The following DHRSX variants were observed in gnomAD, a reference collection of about 807,000 sequenced individuals.
DHRSX encodes the protein dehydrogenase/reductase X-linked.
Under a neutral mutation model 34.0 loss-of-function variants are expected in DHRSX, and 31 were observed. The ratio of observed to expected loss-of-function variants is 0.91; its 90% confidence interval spans 0.69 to 1.23. The LOEUF (loss-of-function observed/expected upper bound fraction) is 1.23. DHRSX is among the 50% of genes most tolerant of loss of function. DHRSX has a pLI of 0.00. For synonymous variants in DHRSX, 201 were observed against 183.8 expected (o/e 1.09, Z -0.76); for missense variants, 414 against 428.1 (o/e 0.97, Z 0.29).
intron 5 of DHRSX, among the ~76,000 whole-genome samples, chrX:2,258,669 G>A (rs2041313408): frequency 6.6e-6 from 1 of 152,128 alleles, no homozygotes; most frequent in South Asian, 2.1e-4. Context: ...TAGGTCCGTG[G>A]TATTTTATTA....
At chrX:2,497,505 T>TA (rs997566346) in intron 1 of DHRSX, among the ~76,000 whole-genome samples, 12 of 150,340 alleles carry the variant, frequency 8.0e-5, no homozygotes, top group African/African-American at 1.5e-4. Flanking sequence ...CTTTACAGGT[T>TA]AAAAAAAAAA....
chrX:2,444,977 A>T (rs1185691867), intron 1 of DHRSX, among the ~76,000 whole-genome samples: 7 of 152,148 alleles, frequency 4.6e-5, no homozygotes, highest in African/African-American at 1.7e-4. Context: ...GCCAACATGG[A>T]GAAACCCCGT....
intron 3 of DHRSX, among the ~76,000 whole-genome samples, chrX:2,358,268 T>G (rs184397769): frequency 1.3e-5 from 2 of 152,258 alleles, no homozygotes; most frequent in African/African-American, 4.8e-5. Context: ...GATAAAGGTT[T>G]AATATCCAGA....
At chrX:2,436,494 T>TTATTATTAG (rs2043993575) in intron 1 of DHRSX, among the ~76,000 whole-genome samples, 1 of 134,516 alleles carries the variant, frequency 7.4e-6, no homozygotes, top group South Asian at 2.5e-4. Flanking sequence ...ATTATTATTA[T>TTATTATTAG]TATTACTACT....
chrX:2,489,979 G>C (rs1398622597), intron 1 of DHRSX: 2 of 1,613,912 alleles, frequency 1.2e-6, no homozygotes, highest in East Asian at 4.5e-5. Context: ...GCACTCGCGT[G>C]ATGGTCTCCG....
intron 1 of DHRSX, among the ~76,000 whole-genome samples, chrX:2,499,733 C>G (rs2045367913): frequency 6.6e-6 from 1 of 152,034 alleles, no homozygotes; most frequent in South Asian, 2.1e-4. Context: ...GTAGCAAGAC[C>G]CTATTGCTAC....
chrX:2,467,084 G>A (rs986429667), intron 1 of DHRSX, among the ~76,000 whole-genome samples: 22 of 146,034 alleles, frequency 1.5e-4, no homozygotes, highest in Non-Finnish European at 1.1e-4. Context: ...AAAAAAAAAC[G>A]CTACATGACT....
chrX:2,380,221 G>T (rs1266143591), intron 3 of DHRSX, among the ~76,000 whole-genome samples: 2 of 145,654 alleles, frequency 1.4e-5, no homozygotes, highest in African/African-American at 2.5e-5. Context: ...CTTGAACCGG[G>T]ACCCAGGAGG....
intron 5 of DHRSX, among the ~76,000 whole-genome samples, chrX:2,257,248 C>G (rs2041292268): frequency 6.6e-6 from 1 of 152,234 alleles, no homozygotes; most frequent in African/African-American, 2.4e-5. Context: ...GCCACCATGC[C>G]CGGCCCACTC....
chrX:2,465,152 G>A (rs376099001), intron 1 of DHRSX, among the ~76,000 whole-genome samples: 5 of 152,122 alleles, frequency 3.3e-5, no homozygotes, highest in African/African-American at 9.7e-5. Context: ...CAAAGCATGT[G>A]GCCAAGGGAA....
In DHRSX at chrX:2,244,302, C is replaced by CCTCTCTCTCTCTCT. The variant is rs780533250; in HGVS notation, c.597-1086_597-1073dup. ...TAACCGCGGTAAAGTGAGTAACGTG[C>CCTCTCTCTCTCTCT]CTCTCTCTCTCTCTCTGGTAACCTC... On this transcript the variant is annotated intron_variant, in intron 5 of 6. Coordinates refer to ENST00000334651, the MANE Select transcript of DHRSX (RefSeq NM_145177.3). 4.8e-4 allele frequency among the ~76,000 whole-genome samples: 73 copies of CCTCTCTCTCTCTCT among 150,636 alleles called. 1 individual carries two copies. Among genetic ancestry groups the CCTCTCTCTCTCTCT allele is most frequent in the African/African-American group, 1.6e-3 (67 of 41,164 alleles).
chrX:2,459,204 T>C (rs1200939156), intron 1 of DHRSX, among the ~76,000 whole-genome samples: 4 of 152,046 alleles, frequency 2.6e-5, no homozygotes, highest in African/African-American at 4.8e-5. Flanking sequence ...CAAAGTTCTA[T>C]CATACCACAC....
In DHRSX at chrX:2,376,461, A is replaced by T. The variant is rs1301490784; in HGVS notation, c.286+32284T>A. Among the ~76,000 whole-genome samples the T allele has an allele frequency of 2.2e-5, 3 of 137,320 alleles. 1 individual carries two copies. Among genetic ancestry groups the T allele is most frequent in the Non-Finnish European group, 5.2e-5 (3 of 58,128 alleles). 90.1% of individuals were successfully genotyped at this position (137,320 alleles called of 152,430 possible). A position where few individuals can be genotyped will look rare whatever the true frequency, so the allele number is the denominator to read the frequency against. ...ACACTCCCAGAACAAGAGCCTGGAGATCTAACATCCACTCTGATTCTGCCC... is the reference window on the plus strand; with the variant it reads ...ACACTCCCAGAACAAGAGCCTGGAGTTCTAACATCCACTCTGATTCTGCCC... On this transcript the variant is annotated intron_variant, in intron 3 of 6. Transcript: ENST00000334651.
chrX:2,251,754 T>C (rs1055068399), intron 5 of DHRSX, among the ~76,000 whole-genome samples: 8 of 152,168 alleles, frequency 5.3e-5, no homozygotes, highest in African/African-American at 1.9e-4. Flanking sequence ...ACCTGAGGTT[T>C]ACCCGATTTC....
chrX:2,296,885 T>A (rs1202009134), intron 3 of DHRSX, among the ~76,000 whole-genome samples: 1 of 31,640 alleles, frequency 3.2e-5, no homozygotes, highest in East Asian at 6.9e-4. Context: ...CCCAGGCAGA[T>A]AGGAATAGGA....
At chrX:2,338,490 G>A (rs1456420748) in intron 3 of DHRSX, among the ~76,000 whole-genome samples, 2 of 151,904 alleles carry the variant, frequency 1.3e-5, no homozygotes, top group Admixed American at 1.3e-4. Flanking sequence ...CTGGATGGGA[G>A]GTCGAATGGG....
At chrX:2,413,749 C>T (rs981785809) in intron 2 of DHRSX, among the ~76,000 whole-genome samples, 5 of 152,046 alleles carry the variant, frequency 3.3e-5, no homozygotes, top group African/African-American at 7.3e-5. Flanking sequence ...TGATGACCAA[C>T]GCAACTACAC....
chrX:2,447,878 A>G (rs6642200), intron 1 of DHRSX, among the ~76,000 whole-genome samples: 78,926 of 130,380 alleles, frequency 0.61, 26,260 homozygotes, highest in African/African-American at 0.84. Context: ...ATGCTTCATG[A>G]AGTGTTTGTC....
At chrX:2,242,432 G>C (rs2016162488) in intron 6 of DHRSX, among the ~76,000 whole-genome samples, 1 of 152,102 alleles carries the variant, frequency 6.6e-6, no homozygotes, top group Non-Finnish European at 1.5e-5. Context: ...GGTTGTGTCA[G>C]AGCTGTGTGA....
Sources: gnomAD v4.1 joint callset for allele counts (sites outside exome capture counted in the v4.1 genomes callset) on GRCh38, gnomAD v4.1.1 for gene constraint, MANE v1.5 for transcripts, NCBI Gene and HGNC (gene_info 2026-07-23, HGNC 2026-07-21) for gene names.